SRBD1: variants seen among roughly 807,000 people sequenced by gnomAD.
The protein encoded by SRBD1 is S1 RNA-binding domain-containing protein 1.
In SRBD1, 88 loss-of-function variants were observed where a neutral mutation model predicts 115.3. The observed-to-expected ratio is 0.76, with a 90% CI of 0.64 to 0.91. The LOEUF is 0.91. SRBD1 is among the 40% of genes least tolerant of loss of function. The pLI, the probability that SRBD1 is intolerant of heterozygous loss-of-function variation, is 0.00. For missense variants in SRBD1, 1,385 were observed against 1,177.4 expected (o/e 1.18, Z -2.58); for synonymous variants, 509 against 407.7 (o/e 1.25, Z -2.99).
chr2:45,437,550 C>G (rs768583614), intron 16 of SRBD1, among the ~76,000 whole-genome samples: 3 of 151,972 alleles, frequency 2.0e-5, no homozygotes, highest in Non-Finnish European at 4.4e-5. Flanking sequence ...GATCTTACAC[C>G]CTTAACAAAA....
chr2:45,572,079 A>G (rs1673036023), intron 9 of SRBD1, among the ~76,000 whole-genome samples: 1 of 152,228 alleles, frequency 6.6e-6, no homozygotes, highest in Non-Finnish European at 1.5e-5. Context: ...GACAAGACAC[A>G]TTATAATCAA....
chr2:45,394,980 G>C (rs1049980507), intron 19 of SRBD1, among the ~76,000 whole-genome samples: 2 of 152,202 alleles, frequency 1.3e-5, no homozygotes, highest in Non-Finnish European at 2.9e-5. Flanking sequence ...TCTTAGTGCT[G>C]ATGGACGAAC....
At chr2:45,546,168 C>T in intron 14 of SRBD1, 2 of 985,378 alleles carry the variant, frequency 2.0e-6, no homozygotes, top group Non-Finnish European at 2.4e-6. Context: ...AGAACTACTA[C>T]AAATGCAGGG....
chr2:45,411,543 G>A (rs1424768758), intron 19 of SRBD1, among the ~76,000 whole-genome samples: 8 of 152,136 alleles, frequency 5.3e-5, no homozygotes, highest in African/African-American at 1.9e-4. Flanking sequence ...AGTTACCTCT[G>A]GGAGGTTGGG....
At position 45,488,333 on chromosome 2, in the gene SRBD1, T is replaced by C. The variant is rs200286906; in HGVS notation, c.1875-2A>G. 47 of 1,611,330 alleles carry C rather than the reference T, an allele frequency of 2.9e-5. No individual in the cohort carries two copies. The highest frequency in any genetic ancestry group is 3.9e-5 in the Non-Finnish European group (46 of 1,178,296). ...GATGCTCCTGCTTCACTGACGATACTGAGAAGACAGAAAAAGGGGAATATC... is the reference window on the plus strand; with the variant it reads ...GATGCTCCTGCTTCACTGACGATACCGAGAAGACAGAAAAAGGGGAATATC... On this transcript the variant is annotated splice_acceptor_variant, in intron 14 of 20. Transcript: ENST00000263736. LOFTEE classifies it high-confidence loss of function.
At chr2:45,542,347 G>A (rs1240703814) in intron 14 of SRBD1, among the ~76,000 whole-genome samples, 3 of 152,224 alleles carry the variant, frequency 2.0e-5, no homozygotes, top group African/African-American at 7.2e-5. Flanking sequence ...GAGCCTGCAG[G>A]GGAAGGGGCA....
rs73927539 is a variant in SRBD1 at position 45,554,309 on chromosome 2, T to C, written c.1410-579A>G. 9.5e-3 allele frequency among the ~76,000 whole-genome samples: 1,450 copies of C among 152,364 alleles called. 22 individuals carry two copies. The highest frequency in any genetic ancestry group is 0.033 in the African/African-American group (1,359 of 41,584). The stretch of plus-strand genomic sequence containing the variant: ...AAATGAATCAGCTGGCATTTTGATC[T>C]TGGACTTCTCAGCCTCCAGAACTAT... On this transcript the variant is annotated intron_variant, in intron 10 of 20. Coordinates refer to ENST00000263736, the MANE Select transcript of SRBD1 (RefSeq NM_018079.5).
chr2:45,606,245 C>T (rs1441550041), intron 1 of SRBD1, among the ~76,000 whole-genome samples: 13 of 151,534 alleles, frequency 8.6e-5, no homozygotes, highest in East Asian at 2.0e-4. Flanking sequence ...CCACAACCTC[C>T]GCCTCCTGGG....
chr2:45,543,436 T>C (rs552960680), intron 14 of SRBD1, among the ~76,000 whole-genome samples: 1 of 152,156 alleles, frequency 6.6e-6, no homozygotes, highest in Non-Finnish European at 1.5e-5. Flanking sequence ...GCAAAGAGTG[T>C]TGGAAGGAAC....
At chr2:45,446,009 GCT>G (rs1668813010) in intron 16 of SRBD1, among the ~76,000 whole-genome samples, 1 of 152,164 alleles carries the variant, frequency 6.6e-6, no homozygotes, top group Non-Finnish European at 1.5e-5. Context: ...GAAGTTGTAG[GCT>G]GACACATACA....
At chr2:45,517,717 G>GGGCGTGGT (rs1244886510) in intron 14 of SRBD1, among the ~76,000 whole-genome samples, 1 of 152,188 alleles carries the variant, frequency 6.6e-6, no homozygotes, top group Non-Finnish European at 1.5e-5. Context: ...ATTCAAGGCT[G>GGGCGTGGT]GGCGTGGTGG....
At chr2:45,430,708 C>T (rs1572632694) in intron 16 of SRBD1, among the ~76,000 whole-genome samples, 1 of 152,116 alleles carries the variant, frequency 6.6e-6, no homozygotes. Context: ...AAAACCTAGG[C>T]GATACCATTC....
At chr2:45,394,125 A>G (rs1364921467) in intron 19 of SRBD1, among the ~76,000 whole-genome samples, 1 of 152,222 alleles carries the variant, frequency 6.6e-6, no homozygotes, top group Non-Finnish European at 1.5e-5. Flanking sequence ...AAAGATGAAT[A>G]TTATCTTTAT....
At chr2:45,414,248 A>AC (rs1016107169) in intron 18 of SRBD1, among the ~76,000 whole-genome samples, 6 of 152,152 alleles carry the variant, frequency 3.9e-5, no homozygotes, top group Non-Finnish European at 8.8e-5. Context: ...CTTAAGTATA[A>AC]CCCATACCAA....
intron 19 of SRBD1, among the ~76,000 whole-genome samples, chr2:45,406,627 T>A (rs1667445679): frequency 6.6e-6 from 1 of 152,138 alleles, no homozygotes; most frequent in African/African-American, 2.4e-5. Flanking sequence ...ATGCCTCATA[T>A]AAAAAACATG....
intron 19 of SRBD1, among the ~76,000 whole-genome samples, chr2:45,404,106 C>T (rs1667362919): frequency 1.3e-5 from 2 of 151,958 alleles, no homozygotes; most frequent in African/African-American, 4.8e-5. Context: ...AAAGGTTGTT[C>T]AAGGAGAAAG....
At chr2:45,610,026 A>G (rs534086892) in intron 1 of SRBD1, among the ~76,000 whole-genome samples, 1 of 152,340 alleles carries the variant, frequency 6.6e-6, no homozygotes, top group African/African-American at 2.4e-5. Context: ...CTCTTAGGCA[A>G]TGCCACACAT....
At chr2:45,406,424 T>C (rs1165474419) in intron 19 of SRBD1, among the ~76,000 whole-genome samples, 1 of 152,176 alleles carries the variant, frequency 6.6e-6, no homozygotes, top group African/African-American at 2.4e-5. Flanking sequence ...GGAAAATCTA[T>C]TTGTGGCAAC....
At chr2:45,411,604 T>C (rs1667605162) in intron 19 of SRBD1, among the ~76,000 whole-genome samples, 2 of 152,170 alleles carry the variant, frequency 1.3e-5, no homozygotes, top group Non-Finnish European at 1.5e-5. Context: ...ATAATAGAAA[T>C]GTTCCTGATC....
Sources: gnomAD v4.1 joint callset for allele counts (sites outside exome capture counted in the v4.1 genomes callset) on GRCh38, gnomAD v4.1.1 for gene constraint, MANE v1.5 for transcripts, NCBI Gene and HGNC (gene_info 2026-07-23, HGNC 2026-07-21) for gene names.